CLASP2: variants seen among roughly 807,000 people sequenced by gnomAD.
The protein encoded by CLASP2 is CLIP-associating protein 2.
In CLASP2, 47 loss-of-function variants were observed where a neutral mutation model predicts 194.4. The ratio of observed to expected loss-of-function variants is 0.24; its 90% confidence interval spans 0.19 to 0.31. The LOEUF is 0.31. Ranked by LOEUF, CLASP2 falls within the 10% of genes least tolerant of loss-of-function variation. The pLI is 1.00. For synonymous variants in CLASP2, 619 were observed against 633.5 expected (o/e 0.98, Z 0.34); for missense variants, 1,445 against 1,823.6 (o/e 0.79, Z 3.78).
At position 33,544,843 on chromosome 3, in the gene CLASP2, T is replaced by C; in HGVS notation, c.3154-2A>G. The C allele has an allele frequency of 1.3e-6, 2 of 1,598,688 alleles. No homozygotes were observed. Among genetic ancestry groups the C allele is most frequent in the Non-Finnish European group, 1.7e-6 (2 of 1,173,960 alleles). ...TGAAATCAGCACTGACTGTGCTGCCTAAAAAACAAAGGCATACAGTAGATG... is the reference window on the plus strand; with the variant it reads ...TGAAATCAGCACTGACTGTGCTGCCCAAAAAACAAAGGCATACAGTAGATG... On this transcript the variant is annotated splice_acceptor_variant, in intron 30 of 38. Transcript: ENST00000682230. LOFTEE classifies it high-confidence loss of function.
At chr3:33,688,692 T>C (rs997048704) in intron 3 of CLASP2, among the ~76,000 whole-genome samples, 1 of 152,206 alleles carries the variant, frequency 6.6e-6, no homozygotes, top group Non-Finnish European at 1.5e-5. Context: ...AAACCTTCAA[T>C]AACAATGCTG....
chr3:33,647,950 G>A (rs552553518), intron 7 of CLASP2, among the ~76,000 whole-genome samples: 3 of 151,914 alleles, frequency 2.0e-5, no homozygotes, highest in African/African-American at 7.2e-5. Context: ...GGAGAATGGC[G>A]TGAACCTGGG....
At chr3:33,537,168 C>T (rs572982460) in intron 33 of CLASP2, among the ~76,000 whole-genome samples, 35 of 152,290 alleles carry the variant, frequency 2.3e-4, no homozygotes, top group East Asian at 1.5e-3. Flanking sequence ...GAGTTCCCTA[C>T]CCTGTACCAT....
chr3:33,680,653 T>C (rs1173879261), intron 6 of CLASP2, among the ~76,000 whole-genome samples: 1 of 151,492 alleles, frequency 6.6e-6, no homozygotes, highest in Non-Finnish European at 1.5e-5. Flanking sequence ...TACAAAAAAA[T>C]TTTAAAAATT....
chr3:33,593,005 A>G (rs1454924532), intron 20 of CLASP2, among the ~76,000 whole-genome samples: 4 of 152,226 alleles, frequency 2.6e-5, no homozygotes, highest in Non-Finnish European at 5.9e-5. Context: ...CATATGGTAT[A>G]TGGACATGTT....
Position 33,498,725 on chromosome 3 carries a change from T to G in CLASP2, c.4435-8A>C. ...AAGATTCAGTAGCTTCATCTGCAGA[T>G]TCAAGCCAAATAAATGTCATTTGAG... is the stretch of plus-strand genomic sequence containing the variant. On this transcript the variant is annotated splice_polypyrimidine_tract_variant and splice_region_variant and intron_variant, in intron 38 of 38. Transcript: ENST00000682230. 6.2e-7 allele frequency: 1 copy of G among 1,602,792 alleles called. No homozygotes were observed. The highest frequency in any genetic ancestry group is 8.5e-7 in the Non-Finnish European group (1 of 1,170,198).
At chr3:33,604,328 T>C in intron 16 of CLASP2, 119 bp from the exon 17 acceptor site, 1 of 728,668 alleles carries the variant, frequency 1.4e-6, no homozygotes. Context: ...TTCTTTTTTT[T>C]TTTTTTTGAG....
rs2077081688 is a variant in CLASP2 at position 33,621,383 on chromosome 3, A to C, written c.1181+752T>G. On this transcript the variant is annotated intron_variant, in intron 11 of 38. Coordinates refer to ENST00000682230, the MANE Select transcript of CLASP2 (RefSeq NM_001365631.1). ...AATTTGGGTTTTCTTTGCTAGTTGG[A>C]GATATTGGGTCATTTTGGTATACTG... 3.3e-5 allele frequency among the ~76,000 whole-genome samples: 5 copies of C among 152,108 alleles called. No individual in the cohort carries two copies. In the South Asian group the frequency reaches 1.0e-3, roughly 32 times the overall value.
At chr3:33,661,381 G>C (rs896522366) in intron 7 of CLASP2, among the ~76,000 whole-genome samples, 1 of 152,130 alleles carries the variant, frequency 6.6e-6, no homozygotes, top group African/African-American at 2.4e-5. Context: ...GGATTCCTGG[G>C]GGCAAACATG....
chr3:33,517,241 A>C, intron 34 of CLASP2, 67 bp from the exon 35 acceptor site: 6 of 1,210,540 alleles, frequency 5.0e-6, no homozygotes, highest in Non-Finnish European at 6.8e-6. Context: ...TGGGGATAAC[A>C]ACTTTATATG....
chr3:33,589,300 C>T (rs1436086848), intron 21 of CLASP2, among the ~76,000 whole-genome samples: 1 of 152,052 alleles, frequency 6.6e-6, no homozygotes, highest in Non-Finnish European at 1.5e-5. Context: ...GTGCTCTCTC[C>T]ATTGAGTCTC....
intron 21 of CLASP2, among the ~76,000 whole-genome samples, chr3:33,585,484 C>T (rs1348822796): frequency 2.0e-5 from 3 of 152,262 alleles, no homozygotes; most frequent in South Asian, 2.1e-4. Context: ...ATTAACAATA[C>T]TGTAGGCAAC....
chr3:33,703,097 A>C (rs2092477965), intron 1 of CLASP2, among the ~76,000 whole-genome samples: 1 of 152,220 alleles, frequency 6.6e-6, no homozygotes, highest in African/African-American at 2.4e-5. Flanking sequence ...GAAAGAAATA[A>C]CTGTTAAGAT....
intron 10 of CLASP2, among the ~76,000 whole-genome samples, chr3:33,624,899 T>C (rs760134063): frequency 3.3e-5 from 5 of 151,982 alleles, no homozygotes; most frequent in African/African-American, 1.2e-4. Context: ...TTTCTCCCCA[T>C]CACAATGGCA....
At chr3:33,558,430 A>G (rs1419025380) in intron 29 of CLASP2, 5 of 152,204 alleles carry the variant, frequency 3.3e-5, no homozygotes, top group Non-Finnish European at 5.9e-5. Flanking sequence ...CGTGCAGGAT[A>G]GAGCAGAAAA....
chr3:33,659,310 T>C, intron 7 of CLASP2: 1 of 1,156,672 alleles, frequency 8.6e-7, no homozygotes, highest in Non-Finnish European at 1.1e-6. Flanking sequence ...TGAAATTTAA[T>C]CTAAGAAAAG....
chr3:33,599,761 G>A (rs558480572), intron 18 of CLASP2, among the ~76,000 whole-genome samples: 2 of 152,116 alleles, frequency 1.3e-5, no homozygotes, highest in African/African-American at 4.8e-5. Context: ...GAGACACAGC[G>A]GGTAGGGTGG....
At chr3:33,679,008 A>C (rs1308360708) in intron 6 of CLASP2, among the ~76,000 whole-genome samples, 5 of 152,236 alleles carry the variant, frequency 3.3e-5, no homozygotes, top group African/African-American at 1.2e-4. Context: ...GACACTACCT[A>C]ACTTACAAAA....
chr3:33,633,636 T>C (rs2079536686), intron 8 of CLASP2, among the ~76,000 whole-genome samples: 1 of 151,586 alleles, frequency 6.6e-6, no homozygotes, highest in Non-Finnish European at 1.5e-5. Flanking sequence ...AAATCAAGGA[T>C]GGACTCACAA....
Sources: allele counts gnomAD v4.1 joint callset (sites outside exome capture counted in the v4.1 genomes callset), GRCh38; gene constraint gnomAD v4.1.1; transcripts MANE v1.5; gene names NCBI Gene and HGNC (gene_info 2026-07-23, HGNC 2026-07-21).